Variants in SIK3 observed in about 807,000 individuals in gnomAD.
SIK3 encodes the protein serine/threonine-protein kinase SIK3.
A neutral mutation model predicts 144.2 loss-of-function variants in SIK3; 28 were observed. That is an observed-to-expected ratio of 0.19 (90% confidence interval 0.14 to 0.27). The LOEUF (loss-of-function observed/expected upper bound fraction) is 0.27. Among genes scored for constraint, SIK3 ranks in the 10% least tolerant of loss-of-function variants. The probability of loss-of-function intolerance (pLI) is 1.00; values close to 1 mark genes in which losing one functional copy is unlikely to be tolerated. For synonymous variants in SIK3, 686 were observed against 676.3 expected (o/e 1.01, Z -0.22); for missense variants, 1,319 against 1,776.0 (o/e 0.74, Z 4.62).
intron 4 of SIK3, among the ~76,000 whole-genome samples, chr11:116,907,823 A>C (rs1459903932): frequency 1.3e-5 from 2 of 152,148 alleles, no homozygotes; most frequent in East Asian, 3.9e-4. Flanking sequence ...TAGACACTGT[A>C]TATCAATGGG....
At chr11:116,871,935 G>C (rs1394313429) in intron 13 of SIK3, among the ~76,000 whole-genome samples, 1 of 152,154 alleles carries the variant, frequency 6.6e-6, no homozygotes, top group Non-Finnish European at 1.5e-5. Context: ...AGGCAGTCAT[G>C]TACACGTATG....
At chr11:116,870,034 A>T in intron 14 of SIK3, 1 of 1,153,830 alleles carries the variant, frequency 8.7e-7, no homozygotes, top group Non-Finnish European at 1.2e-6. Context: ...CCTTGTGAAT[A>T]CTATCAGAGT....
intron 1 of SIK3, among the ~76,000 whole-genome samples, chr11:117,043,745 T>C (rs1205626923): frequency 2.0e-5 from 3 of 152,246 alleles, no homozygotes; most frequent in African/African-American, 7.2e-5. Context: ...CTAATTTATC[T>C]TTTCCCTGGT....
chr11:116,899,656 G>A (rs1413136263), intron 4 of SIK3, among the ~76,000 whole-genome samples: 4 of 152,090 alleles, frequency 2.6e-5, no homozygotes, highest in Non-Finnish European at 4.4e-5. Flanking sequence ...GCTACAAGAC[G>A]CAGCAGATGG....
intron 1 of SIK3, among the ~76,000 whole-genome samples, chr11:117,058,635 T>C (rs972095286): frequency 6.6e-6 from 1 of 151,936 alleles, no homozygotes; most frequent in African/African-American, 2.4e-5. Flanking sequence ...AAGTGTAGAA[T>C]CAGCTGCAAT....
intron 1 of SIK3, among the ~76,000 whole-genome samples, chr11:117,065,107 C>T (rs903487455): frequency 6.6e-6 from 1 of 151,694 alleles, no homozygotes; most frequent in Admixed American, 6.6e-5. Context: ...TGAGATTGCA[C>T]CACTGCACTC....
At chr11:117,067,241 C>T (rs1954064500) in intron 1 of SIK3, among the ~76,000 whole-genome samples, 1 of 152,068 alleles carries the variant, frequency 6.6e-6, no homozygotes, top group Non-Finnish European at 1.5e-5. Flanking sequence ...TTCATAACAG[C>T]CTTATTCATA....
intron 1 of SIK3, among the ~76,000 whole-genome samples, chr11:116,974,719 T>C (rs1426286602): frequency 6.6e-6 from 1 of 152,218 alleles, no homozygotes; most frequent in Non-Finnish European, 1.5e-5. Flanking sequence ...AAAAATGTAT[T>C]ATTGAAGAAT....
At chr11:117,001,240 T>A (rs889028655) in intron 1 of SIK3, among the ~76,000 whole-genome samples, 4 of 152,236 alleles carry the variant, frequency 2.6e-5, no homozygotes, top group African/African-American at 9.6e-5. Context: ...GTGCAGTGGC[T>A]CACGCCTGTA....
intron 1 of SIK3, among the ~76,000 whole-genome samples, chr11:117,091,658 A>G (rs1324101130): frequency 6.6e-6 from 1 of 152,232 alleles, no homozygotes; most frequent in African/African-American, 2.4e-5. Flanking sequence ...ATTTATGTCA[A>G]TATTCCTCTA....
chr11:117,093,213 G>T (rs996957435), intron 1 of SIK3, among the ~76,000 whole-genome samples: 1 of 152,132 alleles, frequency 6.6e-6, no homozygotes, highest in African/African-American at 2.4e-5. Context: ...CTTGTTTTCA[G>T]TTTTCTAATG....
At chr11:116,961,121 A>G (rs1949334804) in intron 1 of SIK3, among the ~76,000 whole-genome samples, 1 of 152,234 alleles carries the variant, frequency 6.6e-6, no homozygotes, top group Non-Finnish European at 1.5e-5. Flanking sequence ...AACCCACAGC[A>G]AGACCCGACC....
At chr11:116,906,968 GCCCTGGAGGGAGCCATGTAT>G (rs1946075633) in intron 4 of SIK3, among the ~76,000 whole-genome samples, 1 of 152,200 alleles carries the variant, frequency 6.6e-6, no homozygotes, top group South Asian at 2.1e-4. Context: ...AGTGGCAAGA[GCCCTGGAGGGAGCCATGTAT>G]CCCAGAAAGA....
intron 1 of SIK3, among the ~76,000 whole-genome samples, chr11:117,097,727 C>T (rs932622643): frequency 2.0e-5 from 3 of 152,088 alleles, no homozygotes; most frequent in African/African-American, 2.4e-5. Context: ...CCTTGTTTTT[C>T]CCCATCCTCC....
intron 6 of SIK3, among the ~76,000 whole-genome samples, chr11:116,883,520 G>T (rs1452679150): frequency 1.3e-5 from 2 of 152,186 alleles, no homozygotes; most frequent in African/African-American, 2.4e-5. Context: ...CCCTAAAAAT[G>T]ATGTTTTATT....
intron 3 of SIK3, among the ~76,000 whole-genome samples, chr11:116,936,156 G>C (rs1947905673): frequency 1.3e-5 from 2 of 152,080 alleles, no homozygotes; most frequent in African/African-American, 4.8e-5. Context: ...ATTTAACATG[G>C]ACCAAACTGA....
intron 1 of SIK3, among the ~76,000 whole-genome samples, chr11:117,004,638 G>C (rs1270251449): frequency 2.6e-5 from 4 of 152,154 alleles, no homozygotes; most frequent in Non-Finnish European, 5.9e-5. Flanking sequence ...AAATAACATA[G>C]AGGCACTATT....
chr11:117,059,972 C>T (rs1158999236), intron 1 of SIK3, among the ~76,000 whole-genome samples: 1 of 152,222 alleles, frequency 6.6e-6, no homozygotes, highest in Non-Finnish European at 1.5e-5. Context: ...CATTCTCTTA[C>T]TATATGATCA....
intron 1 of SIK3, among the ~76,000 whole-genome samples, chr11:117,063,110 T>C (rs755780774): frequency 6.6e-6 from 1 of 152,212 alleles, no homozygotes; most frequent in Non-Finnish European, 1.5e-5. Flanking sequence ...CCTTGTACAA[T>C]ATTTAAAAGA....
Sources: gnomAD v4.1 joint callset for allele counts (sites outside exome capture counted in the v4.1 genomes callset) on GRCh38, gnomAD v4.1.1 for gene constraint, MANE v1.5 for transcripts, NCBI Gene and HGNC (gene_info 2026-07-23, HGNC 2026-07-21) for gene names.